Variants in NCOA7 observed in about 807,000 individuals in gnomAD.
NCOA7 encodes the protein 140 kDa estrogen receptor-associated protein.
Under a neutral mutation model 104.3 loss-of-function variants are expected in NCOA7, and 45 were observed. That is an observed-to-expected ratio of 0.43 (90% CI 0.34 to 0.55). The LOEUF (loss-of-function observed/expected upper bound fraction) is 0.55. Ranked by LOEUF, NCOA7 falls within the 20% of genes least tolerant of loss-of-function variation. The pLI is 0.02. For missense variants in NCOA7, 1,041 were observed against 1,119.7 expected (o/e 0.93, Z 1.00); for synonymous variants, 398 against 402.3 (o/e 0.99, Z 0.13).
At position 125,922,771 on chromosome 6, in the gene NCOA7, C is replaced by G. The variant is rs142348095; in HGVS notation, c.2460C>G (p.Leu820=). The stretch of plus-strand genomic sequence containing the variant: ...AGCACGGGACCAGCTTAAAGACGCT[C>G]TACCGGAAATCGGCATCACTAGACA... ...TLEHGTSLKT[L]YRKSASLDSP... The change falls in exon 13 of 16, where the codon CTC becomes CTG. Residue 820 remains leucine, a synonymous_variant. Transcript: ENST00000392477. The G allele has an allele frequency of 3.8e-4, 620 of 1,614,156 alleles. 2 individuals carry two copies. The highest frequency in any genetic ancestry group is 1.8e-3 in the Middle Eastern group (11 of 6,038).
chr6:125,872,443 A>G (rs561383260), intron 3 of NCOA7, among the ~76,000 whole-genome samples: 3 of 152,362 alleles, frequency 2.0e-5, no homozygotes, highest in African/African-American at 7.2e-5. Flanking sequence ...ACAAAATTAT[A>G]TAAAGAGACT....
At chr6:125,788,794 G>C (rs181224355), upstream of NCOA7, among the ~76,000 whole-genome samples, 1 of 149,808 alleles carries the variant, frequency 6.7e-6, no homozygotes, top group South Asian at 2.1e-4. Flanking sequence ...CGCCCGCCTC[G>C]GCCTCCCAAA....
intron 3 of NCOA7, among the ~76,000 whole-genome samples, chr6:125,868,503 G>A (rs929509440): frequency 3.3e-5 from 5 of 152,192 alleles, no homozygotes; most frequent in Admixed American, 6.5e-5. Context: ...TTAATATCAC[G>A]TGGCTATGAA....
chr6:125,860,366 G>C (rs1781937315), intron 3 of NCOA7, among the ~76,000 whole-genome samples: 1 of 151,914 alleles, frequency 6.6e-6, no homozygotes, highest in African/African-American at 2.4e-5. Flanking sequence ...TCTTTTTGTT[G>C]AGACAGAGTC....
chr6:125,837,944 A>G (rs895160908), intron 2 of NCOA7, among the ~76,000 whole-genome samples: 1 of 152,208 alleles, frequency 6.6e-6, no homozygotes, highest in Non-Finnish European at 1.5e-5. Flanking sequence ...GGTGTTAAAA[A>G]GGGACTCCTT....
intron 3 of NCOA7, among the ~76,000 whole-genome samples, chr6:125,873,723 A>G (rs1783121923): frequency 6.6e-6 from 1 of 152,226 alleles, no homozygotes; most frequent in Non-Finnish European, 1.5e-5. Flanking sequence ...GGAATGACTG[A>G]ACAGTTTACA....
intron 11 of NCOA7, chr6:125,919,289 T>C: frequency 6.2e-7 from 1 of 1,612,402 alleles, no homozygotes; most frequent in Non-Finnish European, 8.5e-7. Context: ...GTAACTGTGG[T>C]GTGGAAGCAG....
In NCOA7 at chr6:125,922,591, G is replaced by C. The variant is rs150952524; in HGVS notation, c.2371-91G>C. The C allele has an allele frequency of 6.0e-4, 887 of 1,469,746 alleles. 2 individuals are homozygous for C. Among genetic ancestry groups the C allele is most frequent in the Non-Finnish European group, 7.5e-4 (814 of 1,078,276 alleles). The allele number at this position is 1,469,746 out of a possible 1,614,324, so 91.0% of individuals were successfully genotyped here. ...GCACTATGTGAGTGTATGATACTGA[G>C]TTTGAATAACAGGCATTTGTTTTGT... On this transcript the variant is annotated intron_variant, in intron 12 of 15. Coordinates refer to ENST00000392477, the MANE Select transcript of NCOA7 (RefSeq NM_181782.5).
chr6:125,884,791 T>G (rs1393361183), intron 7 of NCOA7, among the ~76,000 whole-genome samples: 1 of 152,188 alleles, frequency 6.6e-6, no homozygotes, highest in East Asian at 1.9e-4. Flanking sequence ...AAGCCCTGTA[T>G]TCTCGATCGG....
chr6:125,917,129 T>TA (rs1787153680), intron 11 of NCOA7, among the ~76,000 whole-genome samples: 1 of 150,576 alleles, frequency 6.6e-6, no homozygotes, highest in Non-Finnish European at 1.5e-5. Context: ...CTGGGAATTT[T>TA]AAAAAACTGA....
At chr6:125,896,430 A>G (rs1334687131) in intron 10 of NCOA7, among the ~76,000 whole-genome samples, 1 of 152,208 alleles carries the variant, frequency 6.6e-6, no homozygotes, top group Non-Finnish European at 1.5e-5. Context: ...TTTATATAAC[A>G]TCTGTTTGAT....
chr6:125,805,999 C>A (rs1776412234), intron 1 of NCOA7, among the ~76,000 whole-genome samples: 1 of 152,162 alleles, frequency 6.6e-6, no homozygotes, highest in African/African-American at 2.4e-5. Flanking sequence ...AGGCTACATA[C>A]CTTGTAGGTG....
At position 125,922,824 on chromosome 6, in the gene NCOA7, T is replaced by C. The variant is rs200688871; in HGVS notation, c.2513T>C (p.Met838Thr). 5.9e-5 allele frequency: 95 copies of C among 1,614,062 alleles called. No individual in the cohort carries two copies. Among genetic ancestry groups the C allele is most frequent in the Non-Finnish European group, 7.6e-5 (90 of 1,179,982 alleles). ...CCTGTCCTATTGGTCATCAAAGATA[T>C]GGATAATCAGGTGAGGCCTGTCCCT... Reference protein sequence around the residue: ...DSPVLLVIKDMDNQIFGAYAT... With the variant: ...DSPVLLVIKDTDNQIFGAYAT... The change falls in exon 13 of 16, where the codon ATG becomes ACG. Residue 838 changes from methionine to threonine, a missense_variant. Met to Thr is a moderately conservative substitution (Grantham distance 81). Around this residue, in one of 2 missense-constraint regions of NCOA7, gnomAD observed 127 missense variants for 177.0 expected, o/e 0.72. Transcript: ENST00000392477.
intron 3 of NCOA7, among the ~76,000 whole-genome samples, chr6:125,870,601 C>T (rs987102136): frequency 6.6e-6 from 1 of 152,214 alleles, no homozygotes; most frequent in African/African-American, 2.4e-5. Flanking sequence ...TCCAAGACTT[C>T]AGTATCACCA....
In NCOA7 at chr6:125,889,419, C is replaced by G; in HGVS notation, c.1365C>G (p.Asn455Lys). 6.2e-7 allele frequency: 1 copy of G among 1,613,902 alleles called. No homozygotes were observed. The highest frequency in any genetic ancestry group is 8.5e-7 in the Non-Finnish European group (1 of 1,179,952). Reference sequence around the variant, plus strand: ...GAAAGAAAGCTGAGTCACAAATAAACAATTCTGCCGTGGAAATGCAGGTGC... The same window carrying G: ...GAAAGAAAGCTGAGTCACAAATAAAGAATTCTGCCGTGGAAATGCAGGTGC... ...EERKKAESQI[N>K]NSAVEMQVQS... Residue 455 changes from asparagine (N) to lysine (K), a missense_variant, in exon 9 of 16, where the codon AAC becomes AAG. Physicochemically the swap from Asn to Lys is moderately conservative, Grantham distance 94. Coordinates refer to ENST00000392477, the MANE Select transcript of NCOA7 (RefSeq NM_181782.5).
chr6:125,786,000 C>T (rs528155201), upstream of NCOA7: 10 of 152,252 alleles, frequency 6.6e-5, no homozygotes, highest in South Asian at 1.9e-3. Context: ...ATAGGTCTAT[C>T]CACAAAAGGA....
At position 125,892,865 on chromosome 6, in the gene NCOA7, C is replaced by A. The variant is rs368085701; in HGVS notation, c.2096+2055C>A. Among the ~76,000 whole-genome samples, 83 of 152,248 alleles carry A rather than the reference C, an allele frequency of 5.5e-4. 1 individual carries two copies. The South Asian group carries it at 0.017, about 31-fold the overall frequency. ...GTGTTATATTACACTGCGTTAATGACAATAGTTTTTTTGTGTAGATGTTAG... is the reference window on the plus strand; with the variant it reads ...GTGTTATATTACACTGCGTTAATGAAAATAGTTTTTTTGTGTAGATGTTAG... On this transcript the variant is annotated intron_variant, in intron 10 of 15. Coordinates refer to ENST00000392477, the MANE Select transcript of NCOA7 (RefSeq NM_181782.5).
At chr6:125,810,511 ACT>A (rs1360542905) in intron 1 of NCOA7, among the ~76,000 whole-genome samples, 1 of 152,070 alleles carries the variant, frequency 6.6e-6, no homozygotes, top group African/African-American at 2.4e-5. Flanking sequence ...AATGCAGGAG[ACT>A]CTTAGAAGTC....
chr6:125,814,423 T>C (rs1777386166), intron 1 of NCOA7, among the ~76,000 whole-genome samples: 1 of 152,230 alleles, frequency 6.6e-6, no homozygotes, highest in Non-Finnish European at 1.5e-5. Flanking sequence ...CCCAAAGTGC[T>C]GGGATTACAG....
Sources: allele counts gnomAD v4.1 joint callset (sites outside exome capture counted in the v4.1 genomes callset), GRCh38; gene constraint gnomAD v4.1.1; regional missense constraint gnomAD v4.1.1; transcripts MANE v1.5; gene names NCBI Gene and HGNC (gene_info 2026-07-23, HGNC 2026-07-21).